Variants in RPS24 observed in about 807,000 individuals in gnomAD.
RPS24 encodes ribosomal protein S24.
For synonymous variants in RPS24, 72 were observed against 55.6 expected (o/e 1.30, Z -1.31); for missense variants, 100 against 162.5 (o/e 0.62, Z 2.09).
Position 78,039,905 on chromosome 10 carries a change from T to C in RPS24, c.391-299T>C, listed in dbSNP as rs1447265279. 2.3e-5 allele frequency: 11 copies of C among 470,648 alleles called. No individual in the cohort carries two copies. The East Asian group carries it at 3.9e-4, about 16-fold the overall frequency. 29.2% of individuals were successfully genotyped at this position (470,648 alleles called of 1,614,324 possible). ...CTCAGGTATGTACTTCATTGACAAG[T>C]GGGCAAGGCCATCCTGGGTACCACA... On this transcript the variant is annotated intron_variant, in intron 4 of 5. Coordinates refer to ENST00000372360, the MANE Select transcript of RPS24 (RefSeq NM_033022.4).
exon 5 of RPS24, chr10:78,054,837 C>T: frequency 6.4e-7 from 1 of 1,551,578 alleles, no homozygotes; most frequent in South Asian, 1.2e-5. Flanking sequence ...TGCTGGTTCT[C>T]CCCACCCTGT....
At chr10:78,042,603 A>G (rs1158263871), downstream of RPS24, among the ~76,000 whole-genome samples, 3 of 152,200 alleles carry the variant, frequency 2.0e-5, no homozygotes, top group Non-Finnish European at 4.4e-5. Flanking sequence ...GAGCCTCCAT[A>G]AAATGCAAAC....
downstream of RPS24, among the ~76,000 whole-genome samples, chr10:78,042,187 C>G (rs1184008979): frequency 6.6e-6 from 1 of 152,218 alleles, no homozygotes; most frequent in Non-Finnish European, 1.5e-5. Flanking sequence ...TGGCAGGGCT[C>G]CAGGCTGGCT....
At chr10:78,055,977 T>G (rs984273021) in exon 5 of RPS24, 1 of 152,234 alleles carries the variant, frequency 6.6e-6, no homozygotes, top group African/African-American at 2.4e-5. Flanking sequence ...GACCTCAAAC[T>G]CCTGACCTCA....
downstream of RPS24, among the ~76,000 whole-genome samples, chr10:78,044,678 C>G (rs768101537): frequency 9.3e-5 from 14 of 151,106 alleles, no homozygotes; most frequent in Non-Finnish European, 1.8e-4. Flanking sequence ...ATGAGACCTG[C>G]CTCCCAGTGC....
chr10:78,035,293 C>A, intron 1 of RPS24, 59 bp from the exon 2 acceptor site: 1 of 1,525,588 alleles, frequency 6.6e-7, no homozygotes, highest in Admixed American at 1.7e-5. Flanking sequence ...CTTGGAAAAT[C>A]ACAGCAAGGC....
At chr10:78,048,068 T>A (rs547308815) in intron 4 of RPS24, among the ~76,000 whole-genome samples, 3 of 152,092 alleles carry the variant, frequency 2.0e-5, no homozygotes, top group Non-Finnish European at 4.4e-5. Flanking sequence ...GCCCTGGGAG[T>A]TGAGGAAGAG....
At chr10:78,054,196 G>T (rs1023825281) in intron 4 of RPS24, among the ~76,000 whole-genome samples, 1 of 152,240 alleles carries the variant, frequency 6.6e-6, no homozygotes, top group African/African-American at 2.4e-5. Flanking sequence ...GGAGCCGCTG[G>T]CACTGGCCAT....
At chr10:78,034,949 C>G (rs1292025561) in intron 1 of RPS24, among the ~76,000 whole-genome samples, 1 of 152,122 alleles carries the variant, frequency 6.6e-6, no homozygotes, top group African/African-American at 2.4e-5. Flanking sequence ...TTGATTGTCA[C>G]AACTGGGAAA....
At chr10:78,052,418 A>G (rs1343084002) in intron 4 of RPS24, among the ~76,000 whole-genome samples, 2 of 152,194 alleles carry the variant, frequency 1.3e-5, no homozygotes, top group Admixed American at 6.5e-5. Flanking sequence ...TTGAGTGCCT[A>G]CTATTCACTG....
At chr10:78,035,133 T>A (rs1847835217) in intron 1 of RPS24, among the ~76,000 whole-genome samples, 1 of 152,228 alleles carries the variant, frequency 6.6e-6, no homozygotes, top group Non-Finnish European at 1.5e-5. Flanking sequence ...AAGTAAGTTG[T>A]ACAGATTCAT....
chr10:78,042,492 A>G (rs1863900), downstream of RPS24, among the ~76,000 whole-genome samples: 9,487 of 152,322 alleles, frequency 0.062, 507 homozygotes, highest in East Asian at 0.23. Flanking sequence ...ATTGTTTGTC[A>G]GGAAGCAGGG....
At position 78,040,638 on chromosome 10, in the gene RPS24, T is replaced by C. The variant is rs1564630510; in HGVS notation, c.*43T>C. 1.2e-6 allele frequency: 2 copies of C among 1,613,918 alleles called. No homozygotes were observed. The highest frequency in any genetic ancestry group is 2.2e-5 in the East Asian group (1 of 44,886). On this transcript the variant is annotated 3_prime_UTR_variant, in exon 6 of 6. Coordinates refer to ENST00000372360, the MANE Select transcript of RPS24 (RefSeq NM_033022.4). ...AGCCGAAGGAGTAAAGGTGCTGCAA[T>C]GATGTTAGCTGTGGCCACTGTGGAT...
chr10:78,037,829 G>A (rs1391656188), intron 4 of RPS24: 3 of 555,718 alleles, frequency 5.4e-6, no homozygotes, highest in Non-Finnish European at 8.2e-6. Flanking sequence ...GTAAATAGTT[G>A]GACATTGTAA....
At chr10:78,054,469 A>G (rs534641793) in intron 4 of RPS24, 2 of 1,422,112 alleles carry the variant, frequency 1.4e-6, no homozygotes, top group African/African-American at 1.4e-5. Context: ...GGCGCAGAAC[A>G]GGGCGGCTGG....
downstream of RPS24, among the ~76,000 whole-genome samples, chr10:78,041,166 A>G (rs1286399173): frequency 2.0e-5 from 3 of 152,160 alleles, no homozygotes; most frequent in Non-Finnish European, 2.9e-5. Context: ...GATAAACTGG[A>G]GAAATCTCAG....
chr10:78,052,615 G>A (rs1174070769), intron 4 of RPS24, among the ~76,000 whole-genome samples: 1 of 152,156 alleles, frequency 6.6e-6, no homozygotes, highest in African/African-American at 2.4e-5. Context: ...ATCTCCCTTT[G>A]GACCCCTTCT....
In RPS24 at chr10:78,039,913, G is replaced by A. The variant is rs150476187; in HGVS notation, c.391-291G>A. On this transcript the variant is annotated intron_variant, in intron 4 of 5. Transcript: ENST00000372360. The stretch of plus-strand genomic sequence containing the variant: ...TGTACTTCATTGACAAGTGGGCAAG[G>A]CCATCCTGGGTACCACATTGGCTTA... The A allele has an allele frequency of 1.3e-3, 638 of 489,050 alleles. 8 individuals are homozygous for A. The East Asian group carries it at 0.019, about 15-fold the overall frequency. 30.3% of individuals were successfully genotyped at this position (489,050 alleles called of 1,614,324 possible).
At chr10:78,051,171 C>T (rs1848095413) in intron 4 of RPS24, among the ~76,000 whole-genome samples, 2 of 152,206 alleles carry the variant, frequency 1.3e-5, no homozygotes, top group Admixed American at 1.3e-4. Context: ...GCCTGGGCAA[C>T]AGAGTGGGTG....
Sources: allele counts gnomAD v4.1 joint callset (sites outside exome capture counted in the v4.1 genomes callset), GRCh38; gene constraint gnomAD v4.1.1; transcripts MANE v1.5; gene names NCBI Gene and HGNC (gene_info 2026-07-23, HGNC 2026-07-21).